Variants in PCDH11X observed in about 807,000 individuals in gnomAD.
PCDH11X encodes the protein protocadherin-11 X-linked.
In PCDH11X, 18 loss-of-function variants were observed where a neutral mutation model predicts 53.3. That is an observed-to-expected ratio of 0.34 (90% CI 0.23 to 0.50). The LOEUF is 0.50. Among genes scored for constraint, PCDH11X ranks in the 20% least tolerant of loss-of-function variants. PCDH11X has a pLI of 0.98. For missense variants in PCDH11X, 570 were observed against 1,032.4 expected, an observed-to-expected ratio of 0.55 and a Z score of 6.14; for synonymous variants, 279 against 393.3, an observed-to-expected ratio of 0.71 and a Z score of 3.44.
At chrX:92,490,296 A>G (rs1257373321) in intron 10 of PCDH11X, among the ~76,000 whole-genome samples, 1 of 109,880 alleles carries the variant, frequency 9.1e-6, no homozygotes, top group Non-Finnish European at 1.9e-5. Context: ...ATGATTTGTA[A>G]CAATAAAACT....
chrX:92,300,865 T>C lies in PCDH11X; in HGVS notation c.3144+37722T>C, dbSNP rs771598639. Among the ~76,000 whole-genome samples the C allele has an allele frequency of 2.6e-4, 29 of 112,020 alleles. No homozygotes were observed. The South Asian group carries it at 7.4e-3, about 29-fold the overall frequency. On this transcript the variant is annotated intron_variant, in intron 8 of 10. Coordinates refer to ENST00000682573, the MANE Select transcript of PCDH11X (RefSeq NM_032968.5). ...ATTGTATAAGGTGGGTTCAGTTTAC[T>C]GGCTTCATTTCTGGTACGTTTTGGT...
At chrX:92,351,865 G>A (rs774593547) in intron 8 of PCDH11X, among the ~76,000 whole-genome samples, 1 of 111,398 alleles carries the variant, frequency 9.0e-6, no homozygotes, top group South Asian at 3.7e-4. Context: ...GATTTCTTAA[G>A]ATCATCAATC....
intron 6 of PCDH11X, among the ~76,000 whole-genome samples, chrX:92,107,762 C>T (rs1299172667): frequency 2.7e-5 from 3 of 111,518 alleles, no homozygotes; most frequent in African/African-American, 9.8e-5. Flanking sequence ...TATATAAAAC[C>T]GAGCTGTACC....
At chrX:92,360,140 T>C (rs767438195) in intron 8 of PCDH11X, among the ~76,000 whole-genome samples, 1 of 111,320 alleles carries the variant, frequency 9.0e-6, no homozygotes, top group African/African-American at 3.2e-5. Context: ...ATTCCTATTG[T>C]TTCCTTATTT....
At chrX:92,132,285 CAAAAAAAAAAAAAAAAAAA>C (rs778221916) in intron 6 of PCDH11X, among the ~76,000 whole-genome samples, 6 of 8,856 alleles carry the variant, frequency 6.8e-4, no homozygotes, top group African/African-American at 1.1e-3. Context: ...ACCTCTGTCT[CAAAAAAAAAAAAAAAAAAA>C]AAAAAAAAAA....
At chrX:92,089,282 A>T (rs1449291861) in intron 6 of PCDH11X, among the ~76,000 whole-genome samples, 1 of 111,778 alleles carries the variant, frequency 8.9e-6, no homozygotes, top group East Asian at 2.8e-4. Flanking sequence ...CCAAATAATG[A>T]CCAATCTAAA....
intron 10 of PCDH11X, among the ~76,000 whole-genome samples, chrX:92,583,970 T>C (rs1415575365): frequency 1.8e-5 from 2 of 108,859 alleles, no homozygotes; most frequent in African/African-American, 6.7e-5. Context: ...AATTAAAATA[T>C]AAATAATAAG....
At chrX:92,548,306 G>A (rs184274124) in intron 10 of PCDH11X, among the ~76,000 whole-genome samples, 27 of 110,187 alleles carry the variant, frequency 2.5e-4, no homozygotes, top group Middle Eastern at 9.3e-3. Context: ...GAGTAGCTGG[G>A]ACTACCGGCA....
intron 7 of PCDH11X, among the ~76,000 whole-genome samples, chrX:92,228,229 T>G (rs778864188): frequency 4.5e-5 from 5 of 111,784 alleles, no homozygotes; most frequent in Admixed American, 9.6e-5. Flanking sequence ...AAGCAATAAA[T>G]GTATACTGAT....
intron 8 of PCDH11X, among the ~76,000 whole-genome samples, chrX:92,318,788 AC>A (rs1024503936): frequency 1.8e-5 from 2 of 111,640 alleles, no homozygotes; most frequent in African/African-American, 6.5e-5. Context: ...GTAAAGGCAA[AC>A]AATTCTGTAA....
At chrX:92,040,557 G>A (rs956112037) in intron 6 of PCDH11X, among the ~76,000 whole-genome samples, 2 of 111,946 alleles carry the variant, frequency 1.8e-5, no homozygotes, top group South Asian at 3.7e-4. Flanking sequence ...AGCGATATGG[G>A]AGGGGTGACG....
chrX:92,371,840 G>C (rs1294457031), intron 8 of PCDH11X, among the ~76,000 whole-genome samples: 1 of 110,681 alleles, frequency 9.0e-6, no homozygotes, highest in African/African-American at 3.3e-5. Context: ...GTACTTTTGG[G>C]TAATAAGGGT....
At chrX:92,457,955 C>T (rs2072941680) in intron 9 of PCDH11X, among the ~76,000 whole-genome samples, 1 of 109,183 alleles carries the variant, frequency 9.2e-6, no homozygotes, top group South Asian at 3.9e-4. Context: ...TGACCTATTT[C>T]TTATTCCAGT....
chrX:91,970,175 C>A (rs916755072), intron 6 of PCDH11X, among the ~76,000 whole-genome samples: 2 of 110,896 alleles, frequency 1.8e-5, no homozygotes, highest in Non-Finnish European at 3.8e-5. Context: ...CTCTTTAAGG[C>A]AGTGCGGACC....
intron 10 of PCDH11X, among the ~76,000 whole-genome samples, chrX:92,566,545 AC>A (rs1286580786): frequency 3.7e-3 from 396 of 108,402 alleles, no homozygotes; most frequent in African/African-American, 0.013. Flanking sequence ...CCTTTGAAGA[AC>A]CACCTGAATA....
chrX:92,400,235 C>T (rs1326425529), intron 9 of PCDH11X, among the ~76,000 whole-genome samples: 3 of 111,473 alleles, frequency 2.7e-5, no homozygotes, highest in African/African-American at 6.5e-5. Flanking sequence ...GTACCAGCTG[C>T]GCTGTCAACT....
chrX:92,507,171 A>G (rs1174698654), intron 10 of PCDH11X, among the ~76,000 whole-genome samples: 1 of 109,574 alleles, frequency 9.1e-6, no homozygotes, highest in Non-Finnish European at 1.9e-5. Flanking sequence ...CAAAAAACAA[A>G]CTTCTGAATT....
chrX:92,107,953 A>C (rs1188637700), intron 6 of PCDH11X, among the ~76,000 whole-genome samples: 2 of 112,363 alleles, frequency 1.8e-5, no homozygotes, highest in Non-Finnish European at 3.8e-5. Context: ...GTGCTATTTG[A>C]TAGTTTGTGA....
chrX:92,147,367 T>TA (rs1170734171), intron 6 of PCDH11X, among the ~76,000 whole-genome samples: 2 of 110,535 alleles, frequency 1.8e-5, no homozygotes, highest in African/African-American at 3.3e-5. Flanking sequence ...TCAGATTTTT[T>TA]AAAAAAACTT....
Sources: gnomAD v4.1 joint callset for allele counts (sites outside exome capture counted in the v4.1 genomes callset) on GRCh38, gnomAD v4.1.1 for gene constraint, MANE v1.5 for transcripts, NCBI Gene and HGNC (gene_info 2026-07-23, HGNC 2026-07-21) for gene names.